The following CCDC178 variants were observed in gnomAD, a reference collection of about 807,000 sequenced individuals.
The protein encoded by CCDC178 is coiled-coil domain-containing protein 178.
CCDC178 carries 126 observed loss-of-function variants against 117.4 expected under a neutral mutation model. That is an observed-to-expected ratio of 1.07 (90% CI 0.93 to 1.24). CCDC178 has a LOEUF of 1.24. CCDC178 is among the 50% of genes most tolerant of loss of function. The pLI, the probability that CCDC178 is intolerant of heterozygous loss-of-function variation, is 0.00. For missense variants in CCDC178, 1,030 were observed against 986.9 expected (o/e 1.04, Z -0.59); for synonymous variants, 283 against 313.4 (o/e 0.90, Z 1.02).
chr18:32,969,846 C>A (rs2054889432), intron 22 of CCDC178, among the ~76,000 whole-genome samples: 1 of 151,988 alleles, frequency 6.6e-6, no homozygotes, highest in Non-Finnish European at 1.5e-5. Context: ...AAATGATTTG[C>A]TAGTGCTCAG....
At chr18:33,419,960 AAT>A (rs2064001699) in intron 2 of CCDC178, among the ~76,000 whole-genome samples, 1 of 152,152 alleles carries the variant, frequency 6.6e-6, no homozygotes, top group Non-Finnish European at 1.5e-5. Context: ...ACCCCAAAAA[AAT>A]AAAGTATTCT....
chr18:33,176,504 T>C (rs1026115825), intron 20 of CCDC178, among the ~76,000 whole-genome samples: 4 of 152,192 alleles, frequency 2.6e-5, no homozygotes, highest in African/African-American at 9.6e-5. Context: ...AGAACTGTCT[T>C]AGCTTCTCCT....
In CCDC178 at chr18:33,215,712, A is replaced by T. The variant is rs746086356; in HGVS notation, c.1933-17T>A. On this transcript the variant is annotated splice_polypyrimidine_tract_variant and intron_variant, in intron 18 of 22. Transcript: ENST00000383096. ...GCGTTTACTCTGAAAAAAAATATACACAAGTGTTTATTTTAAATACTTGGA... is the reference window on the plus strand; with the variant it reads ...GCGTTTACTCTGAAAAAAAATATACTCAAGTGTTTATTTTAAATACTTGGA... 3.4e-6 allele frequency: 5 copies of T among 1,469,220 alleles called. No individual in the cohort carries two copies. The African/African-American group carries it at 4.5e-5, about 13-fold the overall frequency. 91.0% of individuals were successfully genotyped at this position (1,469,220 alleles called of 1,614,324 possible). A position where few individuals can be genotyped will look rare whatever the true frequency, so the allele number is the denominator to read the frequency against.
rs144519215 is a variant in CCDC178, at chr18:33,092,971, A to G, written c.2239-61T>C. On this transcript the variant is annotated intron_variant, in intron 20 of 22. Transcript: ENST00000383096. The stretch of plus-strand genomic sequence containing the variant: ...TATATATATAAACGCAATTAAAATC[A>G]TTTGGATTTGTTTGAATTTTTACAT... 36 of 1,042,784 alleles carry G rather than the reference A, an allele frequency of 3.5e-5. No homozygotes were observed. In the African/African-American group the frequency reaches 5.0e-4, roughly 15 times the overall value. The allele number at this position is 1,042,784 out of a possible 1,614,324, so 64.6% of individuals were successfully genotyped here.
intron 21 of CCDC178, among the ~76,000 whole-genome samples, chr18:33,032,744 T>C (rs187195980): frequency 1.2e-4 from 18 of 152,180 alleles, no homozygotes; most frequent in African/African-American, 4.3e-4. Flanking sequence ...GTATTTTAGT[T>C]TGGGTACAGA....
At chr18:33,347,969 T>C (rs1330385022) in intron 8 of CCDC178, among the ~76,000 whole-genome samples, 1 of 152,050 alleles carries the variant, frequency 6.6e-6, no homozygotes, top group Non-Finnish European at 1.5e-5. Flanking sequence ...TTCCTCATCC[T>C]GCTATTGCTG....
At chr18:33,427,511 G>C (rs1283396500) in intron 2 of CCDC178, among the ~76,000 whole-genome samples, 1 of 152,054 alleles carries the variant, frequency 6.6e-6, no homozygotes, top group Non-Finnish European at 1.5e-5. Flanking sequence ...TTTAAACTCT[G>C]TAACTATGAT....
chr18:33,178,999 G>T (rs2058695536), intron 20 of CCDC178, among the ~76,000 whole-genome samples: 1 of 133,982 alleles, frequency 7.5e-6, no homozygotes, highest in South Asian at 2.4e-4. Flanking sequence ...TCTGGCATGT[G>T]TTAGTCCTTC....
At chr18:33,203,998 G>C (rs1020162103) in intron 20 of CCDC178, among the ~76,000 whole-genome samples, 2 of 152,178 alleles carry the variant, frequency 1.3e-5, no homozygotes, top group African/African-American at 4.8e-5. Context: ...CAAAATCCCA[G>C]TGGCTTCAGA....
chr18:33,395,652 C>T (rs942278156), intron 4 of CCDC178, among the ~76,000 whole-genome samples: 6 of 152,078 alleles, frequency 3.9e-5, no homozygotes, highest in Admixed American at 1.3e-4. Flanking sequence ...TGTGCCATAT[C>T]GGTACAGTGC....
intron 21 of CCDC178, among the ~76,000 whole-genome samples, chr18:33,078,411 A>G (rs2057245316): frequency 6.6e-6 from 1 of 152,168 alleles, no homozygotes. Context: ...TGTTCAACAT[A>G]GAATTGGAAG....
At chr18:33,424,878 T>C (rs1363867112) in intron 2 of CCDC178, among the ~76,000 whole-genome samples, 1 of 152,162 alleles carries the variant, frequency 6.6e-6, no homozygotes, top group Non-Finnish European at 1.5e-5. Context: ...GAGTGTTCTT[T>C]CAGCTATCTG....
intron 11 of CCDC178, among the ~76,000 whole-genome samples, chr18:33,315,924 T>G (rs1160825894): frequency 6.6e-6 from 1 of 152,240 alleles, no homozygotes; most frequent in Non-Finnish European, 1.5e-5. Context: ...AATTAATCCT[T>G]CATCACAAAC....
intron 20 of CCDC178, among the ~76,000 whole-genome samples, chr18:33,205,262 T>C (rs1015354139): frequency 6.6e-6 from 1 of 151,942 alleles, no homozygotes; most frequent in African/African-American, 2.4e-5. Context: ...AAGAGTGGGT[T>C]GAAAAAGCAA....
At chr18:33,218,724 C>A (rs1166032403) in intron 18 of CCDC178, among the ~76,000 whole-genome samples, 3 of 152,100 alleles carry the variant, frequency 2.0e-5, no homozygotes, top group Non-Finnish European at 4.4e-5. Context: ...TTCCCCATTT[C>A]TTGTTTTTGC....
intron 12 of CCDC178, among the ~76,000 whole-genome samples, chr18:33,285,505 A>G (rs551450249): frequency 8.5e-5 from 13 of 152,316 alleles, no homozygotes; most frequent in African/African-American, 3.1e-4. Context: ...AAGAGCATCT[A>G]TCAAATATAG....
At chr18:33,050,254 T>A (rs913188744) in intron 21 of CCDC178, among the ~76,000 whole-genome samples, 21 of 152,288 alleles carry the variant, frequency 1.4e-4, no homozygotes, top group African/African-American at 5.1e-4. Context: ...TTTCTTATAA[T>A]GTTATATTTT....
At chr18:33,431,977 G>A (rs1318907418) in intron 2 of CCDC178, among the ~76,000 whole-genome samples, 1 of 152,194 alleles carries the variant, frequency 6.6e-6, no homozygotes, top group African/African-American at 2.4e-5. Flanking sequence ...GCAAGGCTAT[G>A]GTAGCAGCAA....
chr18:33,186,892 C>T (rs2058801034), intron 20 of CCDC178, among the ~76,000 whole-genome samples: 1 of 151,970 alleles, frequency 6.6e-6, no homozygotes, highest in Non-Finnish European at 1.5e-5. Flanking sequence ...TCAGAGAGAG[C>T]AGTTGAAAGA....
Sources: allele counts gnomAD v4.1 joint callset (sites outside exome capture counted in the v4.1 genomes callset), GRCh38; gene constraint gnomAD v4.1.1; transcripts MANE v1.5; gene names NCBI Gene and HGNC (gene_info 2026-07-23, HGNC 2026-07-21).